The following NMT2 variants were observed in gnomAD, a reference collection of about 807,000 sequenced individuals.
NMT2 encodes N-myristoyltransferase 2.
In NMT2, 35 loss-of-function variants were observed where a neutral mutation model predicts 65.4. The ratio of observed to expected loss-of-function variants is 0.54; its 90% CI spans 0.41 to 0.71. The LOEUF (loss-of-function observed/expected upper bound fraction) is 0.71, where lower values mean the gene tolerates loss of function less well. Among genes scored for constraint, NMT2 ranks in the 30% least tolerant of loss-of-function variants. The pLI, the probability that NMT2 is intolerant of heterozygous loss-of-function variation, is 0.00. For synonymous variants in NMT2, 226 were observed against 231.8 expected (o/e 0.98, Z 0.23); for missense variants, 489 against 611.3 (o/e 0.80, Z 2.11).
chr10:15,135,425 C>G lies in NMT2; in HGVS notation c.247-7G>C. The G allele has an allele frequency of 6.2e-7, 1 of 1,613,574 alleles. No individual in the cohort carries two copies. Among genetic ancestry groups the G allele is most frequent in the Non-Finnish European group, 8.5e-7 (1 of 1,179,708 alleles). On this transcript the variant is annotated splice_region_variant and splice_polypyrimidine_tract_variant and intron_variant, in intron 2 of 11. Transcript: ENST00000378165. ...GCATTGGAACACTGGGATTCTACGACAGCAAAGACAGACACAGAATATGAG... is the reference window on the plus strand; with the variant it reads ...GCATTGGAACACTGGGATTCTACGAGAGCAAAGACAGACACAGAATATGAG...
chr10:15,129,304 G>A (rs1200499403), intron 7 of NMT2, among the ~76,000 whole-genome samples: 3 of 151,944 alleles, frequency 2.0e-5, no homozygotes, highest in African/African-American at 7.3e-5. Context: ...GTAATTTTAA[G>A]TTTCATCCTA....
chr10:15,108,702 TA>T lies in NMT2; in HGVS notation c.*492del. Reference sequence around the variant, plus strand: ...CTGAGCTACAGAAGTGTTGATTCCATAAATGTTCCCAGTGATACCATGTAAG... The same window carrying T: ...CTGAGCTACAGAAGTGTTGATTCCATAATGTTCCCAGTGATACCATGTAAG... On this transcript the variant is annotated 3_prime_UTR_variant, in exon 12 of 12. Coordinates refer to ENST00000378165, the MANE Select transcript of NMT2 (RefSeq NM_004808.3). 1.0e-6 allele frequency: 1 copy of T among 995,862 alleles called. No homozygotes were observed. Among genetic ancestry groups the T allele is most frequent in the Non-Finnish European group, 1.2e-6 (1 of 837,504 alleles). The allele number at this position is 995,862 out of a possible 1,614,324, so 61.7% of individuals were successfully genotyped here. A position where few individuals can be genotyped will look rare whatever the true frequency, so the allele number is the denominator to read the frequency against.
At position 15,107,247 on chromosome 10, in the gene NMT2, A is replaced by C; in HGVS notation, c.*1948T>G. The C allele has an allele frequency of 1.3e-6, 1 of 779,636 alleles. No individual in the cohort carries two copies. Among genetic ancestry groups the C allele is most frequent in the Non-Finnish European group, 1.6e-6 (1 of 642,356 alleles). The allele number at this position is 779,636 out of a possible 1,614,324, so 48.3% of individuals were successfully genotyped here. ...TTTTTCTCCTCAACCATTCCAGAAA[A>C]TAAAAACATTCTTAGCCTGTGGGCT... On this transcript the variant is annotated 3_prime_UTR_variant, in exon 12 of 12. Transcript: ENST00000378165.
chr10:15,167,137 C>T (rs927124309), intron 1 of NMT2, among the ~76,000 whole-genome samples: 1 of 151,882 alleles, frequency 6.6e-6, no homozygotes, highest in Non-Finnish European at 1.5e-5. Context: ...CCTGCATAAA[C>T]AGGGCTCAGG....
intron 10 of NMT2, among the ~76,000 whole-genome samples, chr10:15,111,162 C>G (rs1845499695): frequency 6.6e-6 from 1 of 152,148 alleles, no homozygotes; most frequent in South Asian, 2.1e-4. Context: ...ATTAGCCTTT[C>G]TAAGTCCTAC....
chr10:15,128,731 A>G (rs1012056988), intron 7 of NMT2, among the ~76,000 whole-genome samples: 3 of 152,178 alleles, frequency 2.0e-5, no homozygotes, highest in Non-Finnish European at 2.9e-5. Flanking sequence ...TTGGCTGGGC[A>G]CGGTGGCTCA....
chr10:15,167,580 G>C (rs1374444071), intron 1 of NMT2, among the ~76,000 whole-genome samples: 1 of 152,140 alleles, frequency 6.6e-6, no homozygotes, highest in Non-Finnish European at 1.5e-5. Context: ...GAATCCAATA[G>C]GGTAAAAGGG....
intron 8 of NMT2, among the ~76,000 whole-genome samples, chr10:15,127,899 A>AT (rs1846151341): frequency 8.3e-6 from 1 of 120,872 alleles, no homozygotes; most frequent in African/African-American, 4.2e-5. Flanking sequence ...GACTGTCTCC[A>AT]AAAAAAAAAA....
chr10:15,155,149 C>T (rs747587800), intron 1 of NMT2: 16 of 1,521,152 alleles, frequency 1.1e-5, no homozygotes, highest in Non-Finnish European at 1.4e-5. Context: ...CACAAAAGCC[C>T]TAGAATAATT....
At chr10:15,153,806 C>T (rs996027392) in intron 1 of NMT2, among the ~76,000 whole-genome samples, 10 of 151,678 alleles carry the variant, frequency 6.6e-5, no homozygotes, top group African/African-American at 1.9e-4. Context: ...CCCGCCACCA[C>T]GCCCGGCTAA....
intron 8 of NMT2, among the ~76,000 whole-genome samples, chr10:15,120,913 A>T (rs1023381653): frequency 3.9e-5 from 6 of 152,142 alleles, no homozygotes; most frequent in Non-Finnish European, 7.4e-5. Context: ...TAGGTGTCTT[A>T]TCACTACTCC....
At position 15,119,478 on chromosome 10, in the gene NMT2, T is replaced by C. The variant is rs750565426; in HGVS notation, c.1035A>G (p.Pro345=). Residue 345 remains proline, a synonymous_variant, in exon 9 of 12, where the codon CCA becomes CCG. Coordinates refer to ENST00000378165, the MANE Select transcript of NMT2 (RefSeq NM_004808.3). ...TKTSGLRPME[P]KDIKSVRELI... ...ATTCTCGAACTGATTTGATATCTTT[T>C]GGTTCCATTGGTCTCAAACCTGAAG... The C allele has an allele frequency of 6.2e-7, 1 of 1,614,172 alleles. No individual in the cohort carries two copies.
chr10:15,157,721 T>C (rs1833048208), intron 1 of NMT2, among the ~76,000 whole-genome samples: 1 of 152,214 alleles, frequency 6.6e-6, no homozygotes. Context: ...TGCAATATTC[T>C]TTAAGCAAAG....
At chr10:15,165,698 T>G (rs1833355020) in intron 1 of NMT2, among the ~76,000 whole-genome samples, 1 of 151,914 alleles carries the variant, frequency 6.6e-6, no homozygotes, top group East Asian at 1.9e-4. Flanking sequence ...GCAAACATGG[T>G]GAAACCCCAT....
chr10:15,151,549 A>G (rs1165748139), intron 1 of NMT2, among the ~76,000 whole-genome samples: 1 of 152,252 alleles, frequency 6.6e-6, no homozygotes, highest in African/African-American at 2.4e-5. Flanking sequence ...GAATATAGGA[A>G]GAAATATTTT....
At chr10:15,112,725 T>C in intron 10 of NMT2, 71 bp downstream of exon 10, 1 of 1,410,364 alleles carries the variant, frequency 7.1e-7, no homozygotes, top group Non-Finnish European at 9.5e-7. Flanking sequence ...GAAAACACAG[T>C]AAGATGTCTT....
rs915641140 is a variant in NMT2 at position 15,141,314 on chromosome 10, C to A, written c.246+108G>T. On this transcript the variant is annotated intron_variant, in intron 2 of 11. Transcript: ENST00000378165. ...CCAGTTACTAGTGGCATTCAACACA[C>A]AGTCACAACAAAGTCCCTACACATC... The A allele has an allele frequency of 3.6e-6, 5 of 1,377,496 alleles. No individual in the cohort carries two copies. The East Asian group carries it at 6.9e-5, about 19-fold the overall frequency. The allele number at this position is 1,377,496 out of a possible 1,614,324, so 85.3% of individuals were successfully genotyped here.
At chr10:15,159,770 C>T (rs907564690) in intron 1 of NMT2, among the ~76,000 whole-genome samples, 8 of 152,328 alleles carry the variant, frequency 5.3e-5, no homozygotes, top group African/African-American at 1.9e-4. Flanking sequence ...ATGCTACACA[C>T]ACATTAAGCA....
chr10:15,158,901 C>A (rs1266092898), intron 1 of NMT2, among the ~76,000 whole-genome samples: 1 of 152,162 alleles, frequency 6.6e-6, no homozygotes. Context: ...ATGGGGACTC[C>A]ACCCTTGTAA....
Sources: allele counts gnomAD v4.1 joint callset (sites outside exome capture counted in the v4.1 genomes callset), GRCh38; gene constraint gnomAD v4.1.1; transcripts MANE v1.5; gene names NCBI Gene and HGNC (gene_info 2026-07-23, HGNC 2026-07-21).